The following SYNPO variants were observed in gnomAD, a reference collection of about 807,000 sequenced individuals.
The protein encoded by SYNPO is synaptopodin.
SYNPO carries 19 observed loss-of-function variants against 49.5 expected under a neutral mutation model. That is an observed-to-expected ratio of 0.38 (90% confidence interval 0.27 to 0.56). The LOEUF is 0.56. Ranked by LOEUF, SYNPO falls within the 20% of genes least tolerant of loss-of-function variation. The probability of loss-of-function intolerance (pLI) is 0.68; values close to 1 mark genes in which losing one functional copy is unlikely to be tolerated. For missense variants in SYNPO, 1,131 were observed against 1,248.3 expected (o/e 0.91, Z 1.42); for synonymous variants, 536 against 548.0 (o/e 0.98, Z 0.31).
Position 150,657,016 on chromosome 5 carries a change from C to T in SYNPO, c.2641C>T (p.Pro881Ser). The T allele has an allele frequency of 6.2e-7, 1 of 1,604,258 alleles. No individual in the cohort carries two copies. The highest frequency in any genetic ancestry group is 8.5e-7 in the Non-Finnish European group (1 of 1,176,416). ...AGGCATCCTGGGCTACAATATCTGT[C>T]CCCGCGGGTGGAATGGCAGCCTTCG... is the stretch of plus-strand genomic sequence containing the variant. ...SPGILGYNIC[P>S]RGWNGSLRLK... is the part of the protein sequence containing the mutation. The change falls in exon 3 of 3, where the codon CCC becomes TCC. Residue 881 changes from proline (P) to serine (S), a missense_variant. Coordinates refer to ENST00000307662, the MANE Select transcript of SYNPO (RefSeq NM_007286.6).
Position 150,658,656 on chromosome 5 carries a change from C to G in SYNPO, c.*1569C>G, listed in dbSNP as rs1219447138. 6.6e-6 allele frequency: 1 copy of G among 152,382 alleles called. No homozygotes were observed. Among genetic ancestry groups the G allele is most frequent in the Non-Finnish European group, 1.5e-5 (1 of 68,134 alleles). 9.4% of individuals were successfully genotyped at this position (152,382 alleles called of 1,614,324 possible). ...TCAAACGTATGTAGGTGAAAGGATA[C>G]CAGGATGTTGCTAAAGGTGAGGGAC... On this transcript the variant is annotated 3_prime_UTR_variant, in exon 3 of 3. Transcript: ENST00000307662.
At chr5:150,641,453 T>C (rs1757903571) in intron 1 of SYNPO, among the ~76,000 whole-genome samples, 1 of 152,170 alleles carries the variant, frequency 6.6e-6, no homozygotes, top group African/African-American at 2.4e-5. Context: ...CACCTGACCC[T>C]GGCTGGACAC....
At chr5:150,605,581 C>A (rs903223051) in intron 1 of SYNPO, among the ~76,000 whole-genome samples, 3 of 152,030 alleles carry the variant, frequency 2.0e-5, no homozygotes, top group Non-Finnish European at 4.4e-5. Flanking sequence ...CCCAGCTTCA[C>A]TGGAGCAGGA....
chr5:150,630,038 G>A (rs1280172736), intron 2 of SYNPO, among the ~76,000 whole-genome samples: 2 of 152,134 alleles, frequency 1.3e-5, no homozygotes, highest in East Asian at 3.8e-4. Context: ...TGAAGCTTAG[G>A]TCCTGGAAGG....
rs1455785576 is a variant in SYNPO at position 150,650,151 on chromosome 5, T to G, written c.1876T>G (p.Ser626Ala). ...GCGCTCCTCACCGGGCCTCTACACC[T>G]CCCCCGGCCAGGACAGCCTGCAGCC... is the stretch of plus-strand genomic sequence containing the variant. Reference protein sequence around the residue: ...PSRSSPGLYTSPGQDSLQPTA... With the variant: ...PSRSSPGLYTAPGQDSLQPTA... Residue 626 changes from serine to alanine, a missense_variant, in exon 2 of 3, where the codon TCC (serine) becomes GCC (alanine). Physicochemically the swap from Ser to Ala is moderately conservative, Grantham distance 99 (BLOSUM62 1). Transcript: ENST00000307662. The G allele has an allele frequency of 6.2e-7, 1 of 1,613,178 alleles. No homozygotes were observed. The highest frequency in any genetic ancestry group is 1.7e-5 in the Admixed American group (1 of 59,974).
At chr5:150,624,814 C>T (rs1397798517) in intron 2 of SYNPO, 2 of 970,148 alleles carry the variant, frequency 2.1e-6, no homozygotes, top group Non-Finnish European at 1.2e-6. Flanking sequence ...GCGGGGGTGG[C>T]GGGGACCTCG....
chr5:150,588,973 C>T, the SYNPO span, among the ~76,000 whole-genome samples: 5 of 152,076 alleles, frequency 3.3e-5, no homozygotes, highest in Admixed American at 2.6e-4. Flanking sequence ...ATATTCGAGG[C>T]TATATTGATT....
chr5:150,634,271 T>G (rs762141015), intron 2 of SYNPO, among the ~76,000 whole-genome samples: 2 of 152,218 alleles, frequency 1.3e-5, no homozygotes, highest in Non-Finnish European at 2.9e-5. Context: ...GTTTCTGATC[T>G]GGACCAGAGA....
At chr5:150,621,283 G>A (rs1396780969) in intron 2 of SYNPO, among the ~76,000 whole-genome samples, 1 of 152,160 alleles carries the variant, frequency 6.6e-6, no homozygotes, top group Non-Finnish European at 1.5e-5. Flanking sequence ...CAGCCAGTCT[G>A]TCATCCAGTT....
chr5:150,619,459 G>A (rs79017989), intron 2 of SYNPO, among the ~76,000 whole-genome samples: 11,690 of 152,190 alleles, frequency 0.077, 1,046 homozygotes, highest in East Asian at 0.27. Flanking sequence ...CGTGTGGGGA[G>A]AGCACAGTGT....
Position 150,602,997 on chromosome 5 carries a change from GGTGTGTGTGTGTGTGT to G in SYNPO, c.-266+1839_-266+1854del, listed in dbSNP as rs3062133. 3.4e-4 allele frequency among the ~76,000 whole-genome samples: 44 copies of G among 131,250 alleles called. No individual in the cohort carries two copies. The East Asian group carries it at 4.0e-3, about 12-fold the overall frequency. 86.1% of individuals were successfully genotyped at this position (131,250 alleles called of 152,430 possible). A position where few individuals can be genotyped will look rare whatever the true frequency, so the allele number is the denominator to read the frequency against. ...GTGGAAAGCCCAGTTGCCACCTTAGGGTGTGTGTGTGTGTGTGTGTGTGTGTGTGTGTGTGTGTGTG... is the reference window on the plus strand; with the variant it reads ...GTGGAAAGCCCAGTTGCCACCTTAGGGTGTGTGTGTGTGTGTGTGTGTGTG... On this transcript the variant is annotated intron_variant, in intron 1 of 2. Transcript: ENST00000394243.
At chr5:150,589,951 C>T in the SYNPO span, among the ~76,000 whole-genome samples, 1 of 152,196 alleles carries the variant, frequency 6.6e-6, no homozygotes, top group Non-Finnish European at 1.5e-5. Flanking sequence ...GGACCCACAT[C>T]CCCCGCCAGG....
chr5:150,643,120 T>C (rs188692859), intron 1 of SYNPO, among the ~76,000 whole-genome samples: 1 of 152,338 alleles, frequency 6.6e-6, no homozygotes, highest in East Asian at 1.9e-4. Flanking sequence ...TTGAGAGGTC[T>C]GGAGTAATCA....
intron 2 of SYNPO, chr5:150,650,550 C>T: frequency 6.8e-7 from 1 of 1,463,130 alleles, no homozygotes; most frequent in East Asian, 2.5e-5. Flanking sequence ...AGGGGTCGGA[C>T]TCCATGTCTG....
At chr5:150,611,948 G>T (rs1026432631) in intron 1 of SYNPO, among the ~76,000 whole-genome samples, 1 of 152,244 alleles carries the variant, frequency 6.6e-6, no homozygotes, top group Non-Finnish European at 1.5e-5. Flanking sequence ...TTCCAAGAAT[G>T]CAGAGCAAGG....
chr5:150,605,359 A>T (rs1756662291), intron 1 of SYNPO, among the ~76,000 whole-genome samples: 1 of 152,118 alleles, frequency 6.6e-6, no homozygotes, highest in African/African-American at 2.4e-5. Context: ...CTTCCTTGTC[A>T]CTGATAGCAG....
At position 150,627,130 on chromosome 5, in the gene SYNPO, T is replaced by C. The variant is rs556071624; in HGVS notation, c.400+8363T>C. ...TTTTCCTTCAAGGCAGCTCCCAGGC[T>C]TCTAGACATGAGCTCATCGGAGCTG... On this transcript the variant is annotated intron_variant, in intron 2 of 2. Coordinates refer to the SYNPO transcript ENST00000394243. 3.2e-4 allele frequency among the ~76,000 whole-genome samples: 48 copies of C among 152,210 alleles called. No homozygotes were observed. In the South Asian group the frequency reaches 5.8e-3, roughly 18 times the overall value.
intron 1 of SYNPO, among the ~76,000 whole-genome samples, chr5:150,608,180 G>T (rs1333546061): frequency 6.6e-6 from 1 of 152,220 alleles, no homozygotes; most frequent in Admixed American, 6.5e-5. Flanking sequence ...CTGGACTGAG[G>T]CCCCAAGCCC....
At chr5:150,599,646 T>C (rs897525759), upstream of SYNPO, among the ~76,000 whole-genome samples, 1 of 151,708 alleles carries the variant, frequency 6.6e-6, no homozygotes, top group African/African-American at 2.4e-5. Flanking sequence ...CGGAGAAGAG[T>C]CCCTGAGAAG....
Sources: allele counts gnomAD v4.1 joint callset (sites outside exome capture counted in the v4.1 genomes callset), GRCh38; gene constraint gnomAD v4.1.1; transcripts MANE v1.5; gene names NCBI Gene and HGNC (gene_info 2026-07-23, HGNC 2026-07-21).